The following SCARB1 variants were observed in gnomAD, a reference collection of about 807,000 sequenced individuals.
The protein encoded by SCARB1 is CD36 and LIMPII analogous 1.
A neutral mutation model predicts 57.2 loss-of-function variants in SCARB1; 30 were observed. That is an observed-to-expected ratio of 0.52 (90% CI 0.39 to 0.71). SCARB1 has a LOEUF of 0.71. Among genes scored for constraint, SCARB1 ranks in the 30% least tolerant of loss-of-function variants. SCARB1 has a pLI of 0.00. For missense variants in SCARB1, 543 were observed against 671.2 expected (o/e 0.81, Z 2.11); for synonymous variants, 249 against 268.3 (o/e 0.93, Z 0.70).
chr12:124,855,919 A>G (rs1331207388), intron 1 of SCARB1, among the ~76,000 whole-genome samples: 2 of 152,260 alleles, frequency 1.3e-5, no homozygotes, highest in Non-Finnish European at 2.9e-5. Context: ...TCATCCAGGA[A>G]AAACACCTTC....
intron 1 of SCARB1, among the ~76,000 whole-genome samples, chr12:124,838,069 C>T (rs1951763029): frequency 6.6e-6 from 1 of 152,250 alleles, no homozygotes. Context: ...GCCTCAGCAT[C>T]ACAGCAGCAG....
chr12:124,844,915 A>G (rs1233062676), intron 1 of SCARB1, among the ~76,000 whole-genome samples: 1 of 149,716 alleles, frequency 6.7e-6, no homozygotes, highest in Non-Finnish European at 1.5e-5. Flanking sequence ...TCCCATGCAG[A>G]CTCAGACACC....
intron 7 of SCARB1, among the ~76,000 whole-genome samples, chr12:124,804,544 G>T (rs116153177): frequency 0.011 from 1,650 of 152,240 alleles, 14 homozygotes; most frequent in African/African-American, 0.023. Flanking sequence ...CACCTATTGG[G>T]TGTGTAACAT....
intron 1 of SCARB1, among the ~76,000 whole-genome samples, chr12:124,838,263 C>T (rs1951771902): frequency 6.6e-6 from 1 of 152,246 alleles, no homozygotes; most frequent in Non-Finnish European, 1.5e-5. Context: ...GGCCAGGGCG[C>T]AGACCTAGTT....
intron 2 of SCARB1, 104 bp from the exon 3 acceptor site, chr12:124,815,218 T>G (rs1950664615): frequency 7.7e-7 from 1 of 1,303,394 alleles, no homozygotes; most frequent in Non-Finnish European, 1.1e-6. Context: ...CCTGGACGTC[T>G]GTGCACACCT....
At chr12:124,840,815 C>A (rs1261275070) in intron 1 of SCARB1, among the ~76,000 whole-genome samples, 1 of 152,166 alleles carries the variant, frequency 6.6e-6, no homozygotes, top group African/African-American at 2.4e-5. Flanking sequence ...TTCTCTGCCT[C>A]CCCGCTTCCA....
chr12:124,836,137 C>T (rs34154715), intron 1 of SCARB1, among the ~76,000 whole-genome samples: 1 of 152,206 alleles, frequency 6.6e-6, no homozygotes, highest in African/African-American at 2.4e-5. Context: ...TTCCTGCCCT[C>T]GTGGACTGAG....
chr12:124,809,780 G>A (rs1270260017), intron 6 of SCARB1, among the ~76,000 whole-genome samples: 3 of 152,216 alleles, frequency 2.0e-5, no homozygotes, highest in Non-Finnish European at 4.4e-5. Flanking sequence ...GGGACCATGG[G>A]ACACAGAGCT....
chr12:124,797,420 G>C (rs181190654), intron 8 of SCARB1, among the ~76,000 whole-genome samples: 1 of 152,228 alleles, frequency 6.6e-6, no homozygotes, highest in Admixed American at 6.5e-5. Context: ...AAGGCCAACA[G>C]GCAGCAAGCT....
intron 1 of SCARB1, among the ~76,000 whole-genome samples, chr12:124,842,437 G>A (rs757717447): frequency 3.8e-4 from 58 of 152,238 alleles, no homozygotes; most frequent in Admixed American, 1.4e-3. Flanking sequence ...ACACCTCCCA[G>A]GGTGGAAGGG....
intron 10 of SCARB1, among the ~76,000 whole-genome samples, chr12:124,787,131 C>T (rs1388592796): frequency 6.6e-6 from 1 of 152,172 alleles, no homozygotes; most frequent in Non-Finnish European, 1.5e-5. Flanking sequence ...GGTCATATGC[C>T]CCAACAAAAT....
At chr12:124,847,794 G>A (rs1952224053) in intron 1 of SCARB1, among the ~76,000 whole-genome samples, 2 of 152,178 alleles carry the variant, frequency 1.3e-5, no homozygotes, top group South Asian at 4.1e-4. Context: ...TGGGAGCTGG[G>A]GGAGGATCCA....
chr12:124,804,238 C>G (rs1950247238), intron 7 of SCARB1, among the ~76,000 whole-genome samples: 1 of 152,222 alleles, frequency 6.6e-6, no homozygotes, highest in Non-Finnish European at 1.5e-5. Context: ...GGAACTTCTG[C>G]TGGAGTGAAG....
intron 1 of SCARB1, among the ~76,000 whole-genome samples, chr12:124,845,944 G>A (rs191671672): frequency 1.5e-3 from 223 of 152,092 alleles, no homozygotes; most frequent in African/African-American, 5.1e-3. Flanking sequence ...CCCGGGAGGC[G>A]GAGGTTGCAG....
intron 2 of SCARB1, among the ~76,000 whole-genome samples, chr12:124,815,457 G>A (rs954161690): frequency 4.6e-5 from 7 of 152,346 alleles, no homozygotes; most frequent in Admixed American, 2.6e-4. Flanking sequence ...CAACACAGCC[G>A]CCGGGTGCAG....
chr12:124,814,707 T>C lies in SCARB1; in HGVS notation c.426+266A>G, dbSNP rs912182857. ...GCTCAGCCCTCAACAAGACAGCCCC[T>C]TTTGGAGATCTCAGAAATGTAAATT... On this transcript the variant is annotated intron_variant, in intron 3 of 12. Transcript: ENST00000261693. The surrounding 1 kb of genome is among the most constrained non-coding windows in gnomAD (Gnocchi z 4.7). Among the ~76,000 whole-genome samples, 1 of 152,130 alleles carries C rather than the reference T, an allele frequency of 6.6e-6. No individual in the cohort carries two copies. Among genetic ancestry groups the C allele is most frequent in the African/African-American group, 2.4e-5 (1 of 41,432 alleles).
At chr12:124,805,391 A>AATAATGAACAGGGGAC (rs1430805360) in intron 7 of SCARB1, among the ~76,000 whole-genome samples, 1 of 152,216 alleles carries the variant, frequency 6.6e-6, no homozygotes, top group Non-Finnish European at 1.5e-5. Flanking sequence ...AGGGCTGGAG[A>AATAATGAACAGGGGAC]ATAATGAACA....
chr12:124,839,342 A>G (rs1223939706), intron 1 of SCARB1: 2 of 443,910 alleles, frequency 4.5e-6, no homozygotes, highest in East Asian at 1.4e-4. Context: ...TCACTCGCAT[A>G]ACTTCCTCAA....
At chr12:124,802,156 A>AAAG (rs1169948353) in intron 7 of SCARB1, among the ~76,000 whole-genome samples, 2 of 152,008 alleles carry the variant, frequency 1.3e-5, no homozygotes, top group African/African-American at 4.8e-5. Flanking sequence ...TCTCAAAAAA[A>AAAG]AAAAAAAAAG....
Sources: gnomAD v4.1 joint callset for allele counts (sites outside exome capture counted in the v4.1 genomes callset) on GRCh38, gnomAD v4.1.1 for gene constraint, Gnocchi (gnomAD v3.1) non-coding constraint, MANE v1.5 for transcripts, NCBI Gene and HGNC (gene_info 2026-07-23, HGNC 2026-07-21) for gene names.